Variants in AK8 observed in about 807,000 individuals in gnomAD.
AK8 encodes the protein adenylate kinase 8.
AK8 carries 44 observed loss-of-function variants against 54.6 expected under a neutral mutation model. The ratio of observed to expected loss-of-function variants is 0.81; its 90% CI spans 0.63 to 1.04. AK8 has a LOEUF of 1.04. Ranked by LOEUF, AK8 falls within the 50% of genes least tolerant of loss-of-function variation. The probability of loss-of-function intolerance (pLI) is 0.00; values close to 1 mark genes in which losing one functional copy is unlikely to be tolerated. For missense variants in AK8, 555 were observed against 613.6 expected (o/e 0.90, Z 1.01); for synonymous variants, 239 against 245.6 (o/e 0.97, Z 0.25).
intron 10 of AK8, among the ~76,000 whole-genome samples, chr9:132,795,001 G>A (rs1218180261): frequency 6.6e-6 from 1 of 152,214 alleles, no homozygotes; most frequent in East Asian, 1.9e-4. Context: ...GGAGATGTGT[G>A]TGGGGAAGTG....
intron 11 of AK8, among the ~76,000 whole-genome samples, chr9:132,736,186 C>CT (rs34977784): frequency 0.58 from 78,909 of 135,294 alleles, 23,282 homozygotes; most frequent in Admixed American, 0.69. Flanking sequence ...ACTATTCAGT[C>CT]TTTTTTTTTT....
chr9:132,751,378 CAAAAAAAA>C (rs1208975942), intron 11 of AK8, among the ~76,000 whole-genome samples: 1 of 50,220 alleles, frequency 2.0e-5, no homozygotes, highest in Non-Finnish European at 4.5e-5. Flanking sequence ...AGTGAGACTC[CAAAAAAAA>C]AAAAAAAAAA....
rs927008899 is a variant in AK8 at position 132,781,774 on chromosome 9, A to G, written c.1121+10860T>C. ...ATAATTGGCATCACAACCGAACCAG[A>G]ATTACAGTCCTGATAGTCATCCTGG... On this transcript the variant is annotated intron_variant, in intron 11 of 12. Transcript: ENST00000298545. This position sits in a 1 kb window ranked among gnomAD's most constrained non-coding sequence, Gnocchi z 4.6. Among the ~76,000 whole-genome samples the G allele has an allele frequency of 8.5e-5, 13 of 152,212 alleles. No homozygotes were observed. Among genetic ancestry groups the G allele is most frequent in the African/African-American group, 3.1e-4 (13 of 41,454 alleles).
chr9:132,740,712 C>T (rs898608837), intron 11 of AK8, among the ~76,000 whole-genome samples: 1 of 108,330 alleles, frequency 9.2e-6, no homozygotes, highest in African/African-American at 3.0e-5. Context: ...GAGCTGAGCA[C>T]CCCCCCGCCC....
intron 8 of AK8, 131 bp from the exon 9 acceptor site, chr9:132,823,467 T>TTCGCCAGATGCACAGA: frequency 7.7e-7 from 1 of 1,299,056 alleles, no homozygotes; most frequent in Non-Finnish European, 1.1e-6. Flanking sequence ...GGAAGCCCTC[T>TTCGCCAGATGCACAGA]GTGCATCTGG....
intron 11 of AK8, among the ~76,000 whole-genome samples, chr9:132,765,292 C>CAAAA (rs61495439): frequency 0.032 from 1,978 of 62,760 alleles, 220 homozygotes; most frequent in African/African-American, 0.042. Flanking sequence ...GACTCCATTT[C>CAAAA]AAAAAAAAAA....
intron 11 of AK8, among the ~76,000 whole-genome samples, chr9:132,779,148 G>A (rs565409320): frequency 6.6e-6 from 1 of 152,336 alleles, no homozygotes; most frequent in East Asian, 1.9e-4. Flanking sequence ...AGTAGATGCA[G>A]CAAATACTCT....
rs761407791 is a variant in AK8 at position 132,878,262 on chromosome 9, G to A, written c.-7C>T. 3 of 1,362,950 alleles carry A rather than the reference G, an allele frequency of 2.2e-6. No individual in the cohort carries two copies. Among genetic ancestry groups the A allele is most frequent in the South Asian group, 2.2e-5 (1 of 46,480 alleles). 84.4% of individuals were successfully genotyped at this position (1,362,950 alleles called of 1,614,324 possible). ...GGGCGATAGTGGCGTCCATGTAGCC[G>A]TCTCGGCTCGCCGCTCCCTAGTAAC... On this transcript the variant is annotated 5_prime_UTR_variant, in exon 1 of 13. In the 5' UTR this introduces an upstream ATG that the reference lacks. Transcript: ENST00000298545. The surrounding 1 kb of genome is among the most constrained non-coding windows in gnomAD (Gnocchi z 4.7).
In AK8 at chr9:132,844,309, AAAAAAAAG is replaced by A. The variant is rs1181566458; in HGVS notation, c.402+10540_402+10547del. ...GACTGCATTAGACCAAAAAAAAAAA[AAAAAAAAG>A]AAAAAAGAAAAAGAAACGACCCCCC... On this transcript the variant is annotated intron_variant, in intron 5 of 12. Transcript: ENST00000298545. Among the ~76,000 whole-genome samples the A allele has an allele frequency of 5.9e-5, 9 of 151,564 alleles. No individual in the cohort carries two copies. The East Asian group carries it at 1.7e-3, about 29-fold the overall frequency.
chr9:132,756,190 C>T (rs1838181256), intron 11 of AK8, among the ~76,000 whole-genome samples: 1 of 152,210 alleles, frequency 6.6e-6, no homozygotes, highest in Non-Finnish European at 1.5e-5. Context: ...TTCCACTTCC[C>T]TTTGTTTTCC....
At chr9:132,757,374 A>G (rs1838242652) in intron 11 of AK8, among the ~76,000 whole-genome samples, 1 of 152,360 alleles carries the variant, frequency 6.6e-6, no homozygotes, top group South Asian at 2.1e-4. Flanking sequence ...GCAGGTGAAG[A>G]AGACAAGGAG....
Position 132,878,157 on chromosome 9 carries a change from G to A in AK8, c.84+15C>T. 2 of 1,522,028 alleles carry A rather than the reference G, an allele frequency of 1.3e-6. No homozygotes were observed. Among genetic ancestry groups the A allele is most frequent in the South Asian group, 1.3e-5 (1 of 78,234 alleles). The allele number at this position is 1,522,028 out of a possible 1,614,324, so 94.3% of individuals were successfully genotyped here. On this transcript the variant is annotated intron_variant, in intron 1 of 12. Coordinates refer to ENST00000298545, the MANE Select transcript of AK8 (RefSeq NM_152572.3). This position sits in a 1 kb window ranked among gnomAD's most constrained non-coding sequence, Gnocchi z 4.7. ...GCCGCCGCCAGCGTCGCGACGGGCA[G>A]GGGTGTCCGGTCACCTGCATCAACT...
At chr9:132,728,613 C>A (rs962094300) in intron 11 of AK8, among the ~76,000 whole-genome samples, 2 of 152,178 alleles carry the variant, frequency 1.3e-5, no homozygotes, top group African/African-American at 4.8e-5. Context: ...TTCCTAGATA[C>A]CCTTCCTGGG....
At chr9:132,759,882 CTT>C (rs1329058484) in intron 11 of AK8, among the ~76,000 whole-genome samples, 1 of 152,166 alleles carries the variant, frequency 6.6e-6, no homozygotes, top group Non-Finnish European at 1.5e-5. Context: ...TCGGGAATAA[CTT>C]GATAAATTTT....
intron 5 of AK8, among the ~76,000 whole-genome samples, chr9:132,851,080 T>C (rs1299431059): frequency 2.0e-5 from 3 of 152,138 alleles, no homozygotes; most frequent in Non-Finnish European, 2.9e-5. Flanking sequence ...GAATCCAAAA[T>C]ACCACCAAAC....
intron 11 of AK8, among the ~76,000 whole-genome samples, chr9:132,787,004 T>C (rs949749081): frequency 4.0e-5 from 6 of 151,732 alleles, no homozygotes; most frequent in African/African-American, 1.2e-4. Context: ...GAGCAGAAAT[T>C]AGAATTCAAT....
At chr9:132,821,290 C>T (rs1046013279) in intron 9 of AK8, among the ~76,000 whole-genome samples, 3 of 151,982 alleles carry the variant, frequency 2.0e-5, no homozygotes, top group Admixed American at 6.6e-5. Context: ...TGTCCCTTCC[C>T]GTAACGATGT....
chr9:132,826,705 G>T lies in AK8; in HGVS notation c.757+149C>A. ...CTGCACACATGCATTTCTGGGCAGG[G>T]AACCCGGGTCATCTATGTCTTGACT... is the stretch of plus-strand genomic sequence containing the variant. On this transcript the variant is annotated intron_variant, in intron 8 of 12. Transcript: ENST00000298545. This position sits in a 1 kb window ranked among gnomAD's most constrained non-coding sequence, Gnocchi z 4.5. 1.1e-6 allele frequency: 1 copy of T among 921,268 alleles called. No homozygotes were observed. Among genetic ancestry groups the T allele is most frequent in the Non-Finnish European group, 1.6e-6 (1 of 615,302 alleles). 57.1% of individuals were successfully genotyped at this position (921,268 alleles called of 1,614,324 possible).
chr9:132,761,071 T>G, intron 11 of AK8, among the ~76,000 whole-genome samples: 1 of 152,246 alleles, frequency 6.6e-6, no homozygotes, highest in East Asian at 1.9e-4. Context: ...TGTTCCCTCT[T>G]TTTCTTTTTC....
Sources: gnomAD v4.1 joint callset for allele counts (sites outside exome capture counted in the v4.1 genomes callset) on GRCh38, gnomAD v4.1.1 for gene constraint, Gnocchi (gnomAD v3.1) non-coding constraint, MANE v1.5 for transcripts, NCBI Gene and HGNC (gene_info 2026-07-23, HGNC 2026-07-21) for gene names.